Variants in SLC35F4 observed in about 807,000 individuals in gnomAD.
SLC35F4 encodes solute carrier family 35 member F4.
In SLC35F4, 24 loss-of-function variants were observed where a neutral mutation model predicts 44.2. That is an observed-to-expected ratio of 0.54 (90% CI 0.39 to 0.76). The LOEUF is 0.76. SLC35F4 is among the 30% of genes least tolerant of loss of function. The pLI is 0.00. For synonymous variants in SLC35F4, 238 were observed against 223.6 expected, an observed-to-expected ratio of 1.06 and a Z score of -0.57; for missense variants, 562 against 586.1, an observed-to-expected ratio of 0.96 and a Z score of 0.42.
At chr14:57,882,973 C>T (rs1328355564) in intron 1 of SLC35F4, among the ~76,000 whole-genome samples, 4 of 151,472 alleles carry the variant, frequency 2.6e-5, no homozygotes, top group East Asian at 3.9e-4. Flanking sequence ...TACCTTCTTG[C>T]ACCTCTGCCC....
intron 1 of SLC35F4, among the ~76,000 whole-genome samples, chr14:57,776,726 G>T (rs1321913902): frequency 6.6e-6 from 1 of 150,836 alleles, no homozygotes; most frequent in East Asian, 1.9e-4. Flanking sequence ...CCCTAGAAAG[G>T]GACACCCATA....
chr14:57,682,571 G>C (rs1476116131), intron 1 of SLC35F4, among the ~76,000 whole-genome samples: 1 of 151,658 alleles, frequency 6.6e-6, no homozygotes, highest in Non-Finnish European at 1.5e-5. Context: ...AAACTACCAT[G>C]GCACATGTAC....
chr14:57,967,826 T>C lies in SLC35F4; in HGVS notation n.282+14087A>G, dbSNP rs551287656. Among the ~76,000 whole-genome samples, 34 of 152,314 alleles carry C rather than the reference T, an allele frequency of 2.2e-4. 1 individual carries two copies. In the South Asian group the frequency reaches 6.8e-3, roughly 31 times the overall value. On this transcript the variant is annotated intron_variant and non_coding_transcript_variant, in intron 1 of 1. Coordinates refer to the SLC35F4 transcript ENST00000556568. ...TTCAATAGCAGGAGCCCTCATATGATATAAGTGCTTCCCAAATTCATGCAA... is the reference window on the plus strand; with the variant it reads ...TTCAATAGCAGGAGCCCTCATATGACATAAGTGCTTCCCAAATTCATGCAA...
rs537973194 is a variant in SLC35F4, at chr14:57,858,352, C to A, written c.103+7371G>T. ...ACACCATGGAATACTATGAAGCCAT[C>A]AAAAAGGATGAGTTCATGTCCTTTG... On this transcript the variant is annotated intron_variant, in intron 1 of 7. Coordinates refer to ENST00000556826, the MANE Select transcript of SLC35F4 (RefSeq NM_001306087.2). 4.9e-3 allele frequency among the ~76,000 whole-genome samples: 744 copies of A among 151,978 alleles called. 2 individuals are homozygous for A. Among genetic ancestry groups the A allele is most frequent in the Admixed American group, 7.1e-3 (109 of 15,276 alleles).
Position 57,977,613 on chromosome 14 carries a change from C to T in SLC35F4, n.152-656G>A, listed in dbSNP as rs115324461. ...AGAATGGTACATTCAGGATCAAACTCAAGCACGTTCCAAAGGCAGAAATTA... is the reference window on the plus strand; with the variant it reads ...AGAATGGTACATTCAGGATCAAACTTAAGCACGTTCCAAAGGCAGAAATTA... On this transcript the variant is annotated intron_variant and non_coding_transcript_variant, in intron 1 of 1. Coordinates refer to the SLC35F4 transcript ENST00000554648. Among the ~76,000 whole-genome samples, 752 of 152,290 alleles carry T rather than the reference C, an allele frequency of 4.9e-3. 3 individuals are homozygous for T. The highest frequency in any genetic ancestry group is 0.017 in the African/African-American group (717 of 41,542).
chr14:57,900,083 C>T (rs72624744), intron 1 of SLC35F4, among the ~76,000 whole-genome samples: 2 of 118,060 alleles, frequency 1.7e-5, no homozygotes, highest in East Asian at 5.3e-4. Flanking sequence ...CTGATTGGTA[C>T]ATTTTACAGA....
chr14:57,880,025 GAAAGGAGGGAGGAAGGAAGGAAGGAAGGA>G (rs1888488274), intron 1 of SLC35F4, among the ~76,000 whole-genome samples: 3 of 129,252 alleles, frequency 2.3e-5, no homozygotes, highest in African/African-American at 9.7e-5. Flanking sequence ...GAAAGGAAAG[GAAAGGAGGGAGGAAGGAAGGAAGGAAGGA>G]AGGAAGGAAG....
At position 57,585,738 on chromosome 14, in the gene SLC35F4, A is replaced by G. The variant is rs184285760; in HGVS notation, c.587+3478T>C. On this transcript the variant is annotated intron_variant, in intron 3 of 7. Coordinates refer to ENST00000556826, the MANE Select transcript of SLC35F4 (RefSeq NM_001306087.2). ...GTGAACAGCTATTTACAATTGCTAC[A>G]AAGAGAATAAAATACCTAAGAATAC... Among the ~76,000 whole-genome samples, 11 of 152,334 alleles carry G rather than the reference A, an allele frequency of 7.2e-5. No individual in the cohort carries two copies. In the East Asian group the frequency reaches 1.9e-3, roughly 27 times the overall value.
At chr14:57,696,278 C>CA (rs1297697112) in intron 1 of SLC35F4, among the ~76,000 whole-genome samples, 2 of 152,096 alleles carry the variant, frequency 1.3e-5, no homozygotes, top group African/African-American at 4.8e-5. Context: ...AGACACTTCT[C>CA]AAAAGAAGGC....
chr14:57,913,803 T>C lies in SLC35F4; in HGVS notation n.282+68110A>G, dbSNP rs114336841. ...CTTGCTTTATGTACATCTGAGTTTC[T>C]AATCTATACCATTTTCTGTCTCTCT... On this transcript the variant is annotated intron_variant and non_coding_transcript_variant, in intron 1 of 1. Coordinates refer to the SLC35F4 transcript ENST00000556568. Among the ~76,000 whole-genome samples the C allele has an allele frequency of 1.8e-3, 274 of 152,348 alleles. 1 individual carries two copies. Among genetic ancestry groups the C allele is most frequent in the African/African-American group, 6.3e-3 (263 of 41,578 alleles).
intron 1 of SLC35F4, among the ~76,000 whole-genome samples, chr14:57,875,121 T>G (rs1003308778): frequency 6.6e-6 from 1 of 152,212 alleles, no homozygotes; most frequent in African/African-American, 2.4e-5. Context: ...TGATAAATCT[T>G]TTGTGAATTA....
intron 7 of SLC35F4, among the ~76,000 whole-genome samples, chr14:57,565,374 C>G (rs1017014328): frequency 1.3e-5 from 2 of 152,220 alleles, no homozygotes; most frequent in African/African-American, 2.4e-5. Flanking sequence ...TTGCAGGAAG[C>G]CTTTTGGATG....
At chr14:57,947,308 A>G (rs776609165) in intron 1 of SLC35F4, among the ~76,000 whole-genome samples, 18 of 148,354 alleles carry the variant, frequency 1.2e-4, no homozygotes, top group Non-Finnish European at 2.4e-4. Context: ...AAAGGGATTG[A>G]GTTCCTGATT....
chr14:57,871,805 C>G (rs1242216860), intron 1 of SLC35F4, among the ~76,000 whole-genome samples: 2 of 152,198 alleles, frequency 1.3e-5, no homozygotes, highest in Non-Finnish European at 2.9e-5. Flanking sequence ...CTCTTTTTCC[C>G]TCTGGCCCCA....
intron 1 of SLC35F4, among the ~76,000 whole-genome samples, chr14:57,900,192 C>G (rs1888970107): frequency 6.6e-6 from 1 of 152,166 alleles, no homozygotes; most frequent in African/African-American, 2.4e-5. Context: ...GAGACTTTCT[C>G]CAAGGCCCCA....
At chr14:57,724,623 A>G (rs898693957) in intron 1 of SLC35F4, among the ~76,000 whole-genome samples, 1 of 152,172 alleles carries the variant, frequency 6.6e-6, no homozygotes, top group African/African-American at 2.4e-5. Context: ...TCAAATGCCC[A>G]TGGTCTCCAC....
intron 1 of SLC35F4, among the ~76,000 whole-genome samples, chr14:57,941,817 G>C (rs1337220343): frequency 6.6e-6 from 1 of 152,074 alleles, no homozygotes; most frequent in Non-Finnish European, 1.5e-5. Context: ...ATTCCCTATA[G>C]AGACTAGCAA....
intron 1 of SLC35F4, among the ~76,000 whole-genome samples, chr14:57,659,754 T>A (rs1022392825): frequency 6.6e-6 from 1 of 152,214 alleles, no homozygotes; most frequent in African/African-American, 2.4e-5. Flanking sequence ...ACATAATTTT[T>A]AAAAATGACG....
At chr14:57,745,468 C>T (rs1040585211) in intron 1 of SLC35F4, among the ~76,000 whole-genome samples, 3 of 152,160 alleles carry the variant, frequency 2.0e-5, no homozygotes, top group African/African-American at 4.8e-5. Context: ...ATGCAGCCAA[C>T]AGACACATGA....
Sources: gnomAD v4.1 joint callset for allele counts (sites outside exome capture counted in the v4.1 genomes callset) on GRCh38, gnomAD v4.1.1 for gene constraint, MANE v1.5 for transcripts, NCBI Gene and HGNC (gene_info 2026-07-23, HGNC 2026-07-21) for gene names.